The following DAB1 variants were observed in gnomAD, a reference collection of about 807,000 sequenced individuals.
The protein encoded by DAB1 is DAB adaptor protein 1.
In DAB1, 15 loss-of-function variants were observed where a neutral mutation model predicts 64.6. The ratio of observed to expected loss-of-function variants is 0.23; its 90% CI spans 0.16 to 0.36. The LOEUF is 0.36. Among genes scored for constraint, DAB1 ranks in the 10% least tolerant of loss-of-function variants. The pLI, the probability that DAB1 is intolerant of heterozygous loss-of-function variation, is 1.00. For synonymous variants in DAB1, 235 were observed against 251.9 expected (o/e 0.93, Z 0.64); for missense variants, 596 against 706.7 (o/e 0.84, Z 1.78).
chr1:57,312,309 G>A (rs1397548142), intron 1 of DAB1, among the ~76,000 whole-genome samples: 1 of 151,732 alleles, frequency 6.6e-6, no homozygotes, highest in African/African-American at 2.4e-5. Flanking sequence ...CTAAGCAGAT[G>A]CCGTCTACAA....
rs1646522369 is a variant in DAB1 at position 57,672,665 on chromosome 1, TA to T, written n.552-23001del. On this transcript the variant is annotated intron_variant and non_coding_transcript_variant, in intron 6 of 20. Coordinates refer to the DAB1 transcript ENST00000485760. ...TTCCAATTAAATGGAATTAATAAGA[TA>T]AAGTTGCCTTTGTTTTTATTTTGGA... is the stretch of plus-strand genomic sequence containing the variant. Among the ~76,000 whole-genome samples, 7 of 152,340 alleles carry T rather than the reference TA, an allele frequency of 4.6e-5. No homozygotes were observed. In the South Asian group the frequency reaches 1.4e-3, roughly 32 times the overall value.
At chr1:57,500,787 T>A (rs1210373245) in intron 7 of DAB1, among the ~76,000 whole-genome samples, 1 of 152,226 alleles carries the variant, frequency 6.6e-6, no homozygotes, top group East Asian at 1.9e-4. Context: ...TAGAAGTAAC[T>A]TTTTTATTTG....
chr1:57,027,583 A>T (rs188441886), intron 9 of DAB1, among the ~76,000 whole-genome samples: 131 of 152,300 alleles, frequency 8.6e-4, no homozygotes, highest in Admixed American at 3.4e-3. Flanking sequence ...GGATTCTACC[A>T]CTTTCAATAT....
At chr1:58,428,937 T>C (rs978499495) in intron 3 of DAB1, among the ~76,000 whole-genome samples, 2 of 152,226 alleles carry the variant, frequency 1.3e-5, no homozygotes, top group Non-Finnish European at 2.9e-5. Context: ...TGCTGCTGAC[T>C]ACAAAGGGGC....
chr1:57,717,303 C>T (rs1249307171), intron 6 of DAB1, among the ~76,000 whole-genome samples: 1 of 148,060 alleles, frequency 6.8e-6, no homozygotes, highest in Non-Finnish European at 1.5e-5. Flanking sequence ...ACAAATGCCC[C>T]ACAGATACAT....
chr1:57,152,289 G>A (rs1384311955), intron 2 of DAB1, among the ~76,000 whole-genome samples: 1 of 152,154 alleles, frequency 6.6e-6, no homozygotes, highest in Non-Finnish European at 1.5e-5. Flanking sequence ...ATCCTGTATC[G>A]AATGGTTTGA....
At chr1:57,641,203 G>A (rs1019600565) in intron 7 of DAB1, among the ~76,000 whole-genome samples, 1 of 152,126 alleles carries the variant, frequency 6.6e-6, no homozygotes, top group Non-Finnish European at 1.5e-5. Flanking sequence ...TTAGCTCATT[G>A]CAGGGAAGCC....
intron 11 of DAB1, among the ~76,000 whole-genome samples, chr1:57,020,572 A>G (rs1646581333): frequency 6.6e-6 from 1 of 152,182 alleles, no homozygotes; most frequent in Non-Finnish European, 1.5e-5. Flanking sequence ...GAGGCTGAAG[A>G]CCTAAACTTT....
chr1:58,490,388 G>C (rs1645660136), intron 3 of DAB1, among the ~76,000 whole-genome samples: 1 of 152,118 alleles, frequency 6.6e-6, no homozygotes, highest in South Asian at 2.1e-4. Flanking sequence ...GAGAAGGTTA[G>C]AGAAAAAAGA....
intron 8 of DAB1, among the ~76,000 whole-genome samples, chr1:57,065,332 C>T (rs1167973765): frequency 3.9e-5 from 6 of 152,144 alleles, no homozygotes; most frequent in Admixed American, 6.5e-5. Context: ...TCATGCATCA[C>T]GCGTTCCCTG....
intron 3 of DAB1, among the ~76,000 whole-genome samples, chr1:58,385,253 AT>A (rs1644423623): frequency 6.6e-6 from 1 of 152,190 alleles, no homozygotes; most frequent in South Asian, 2.1e-4. Context: ...TTGTATACCC[AT>A]TATGCCTCAA....
chr1:58,341,702 C>T (rs1303022271), intron 4 of DAB1, among the ~76,000 whole-genome samples: 1 of 152,090 alleles, frequency 6.6e-6, no homozygotes, highest in Non-Finnish European at 1.5e-5. Context: ...CTTCTATTAC[C>T]TACTAATGAA....
At chr1:57,143,970 T>C (rs1295103235) in intron 3 of DAB1, among the ~76,000 whole-genome samples, 1 of 151,614 alleles carries the variant, frequency 6.6e-6, no homozygotes, top group African/African-American at 2.4e-5. Context: ...ATATATATTG[T>C]TAGATGAAGG....
chr1:58,089,689 C>T (rs186422964), intron 5 of DAB1, among the ~76,000 whole-genome samples: 1 of 152,276 alleles, frequency 6.6e-6, no homozygotes, highest in Non-Finnish European at 1.5e-5. Flanking sequence ...AGATGGATAG[C>T]TCCGGTGCCC....
chr1:57,916,286 A>G (rs1644726259), intron 5 of DAB1, among the ~76,000 whole-genome samples: 1 of 152,182 alleles, frequency 6.6e-6, no homozygotes, highest in African/African-American at 2.4e-5. Flanking sequence ...CAATGAAATT[A>G]CCATAAAGAA....
At chr1:58,014,808 A>G (rs931480997) in intron 5 of DAB1, among the ~76,000 whole-genome samples, 7 of 152,184 alleles carry the variant, frequency 4.6e-5, no homozygotes, top group Non-Finnish European at 1.0e-4. Flanking sequence ...GCCTGACTTA[A>G]TGAGGGAGAG....
At chr1:57,728,543 G>A (rs1394960678) in intron 6 of DAB1, among the ~76,000 whole-genome samples, 2 of 151,726 alleles carry the variant, frequency 1.3e-5, no homozygotes, top group Non-Finnish European at 2.9e-5. Context: ...GCAGTGAGCC[G>A]AGATCACGTC....
chr1:58,100,044 G>C (rs938992888), intron 5 of DAB1, among the ~76,000 whole-genome samples: 1 of 152,096 alleles, frequency 6.6e-6, no homozygotes, highest in Non-Finnish European at 1.5e-5. Context: ...TTTCTGTCAA[G>C]CTTTATTTTT....
chr1:58,025,649 G>GTATATATATATATATATATATATA (rs1395128282), intron 5 of DAB1, among the ~76,000 whole-genome samples: 4 of 115,060 alleles, frequency 3.5e-5, no homozygotes, highest in African/African-American at 1.5e-4. Flanking sequence ...ATATATATGT[G>GTATATATATATATATATATATATA]TGTATATATA....
Sources: gnomAD v4.1 joint callset for allele counts (sites outside exome capture counted in the v4.1 genomes callset) on GRCh38, gnomAD v4.1.1 for gene constraint, MANE v1.5 for transcripts, NCBI Gene and HGNC (gene_info 2026-07-23, HGNC 2026-07-21) for gene names.